SLC27A2: variants seen among roughly 807,000 people sequenced by gnomAD.
The protein encoded by SLC27A2 is solute carrier family 27 member 2, also known as long-chain fatty acid transport protein 2.
Under a neutral mutation model 60.0 loss-of-function variants are expected in SLC27A2, and 54 were observed. The ratio of observed to expected loss-of-function variants is 0.90; its 90% confidence interval spans 0.72 to 1.13. The LOEUF is 1.13. SLC27A2 is among the 50% of genes most tolerant of loss of function. SLC27A2 has a pLI of 0.00. For synonymous variants in SLC27A2, 297 were observed against 297.6 expected, an observed-to-expected ratio of 1.00 and a Z score of 0.02; for missense variants, 739 against 777.6, an observed-to-expected ratio of 0.95 and a Z score of 0.59.
In SLC27A2 at chr15:50,211,256, A is replaced by C. The variant is rs897249730; in HGVS notation, c.972+5893A>C. 3.3e-5 allele frequency among the ~76,000 whole-genome samples: 5 copies of C among 152,296 alleles called. No individual in the cohort carries two copies. The East Asian group carries it at 9.7e-4, about 29-fold the overall frequency. ...CATCCTCTGCCACTTCCACTGGAAC[A>C]GGTGCTGGTATCCATGGCTGAGAGA... On this transcript the variant is annotated intron_variant, in intron 4 of 9. Coordinates refer to ENST00000267842, the MANE Select transcript of SLC27A2 (RefSeq NM_003645.4).
chr15:50,187,340 C>A (rs539309120), intron 1 of SLC27A2, among the ~76,000 whole-genome samples: 106 of 152,278 alleles, frequency 7.0e-4, no homozygotes, highest in African/African-American at 2.5e-3. Context: ...CATGGCTGGG[C>A]CAGTAGTTTT....
chr15:50,190,671 A>C (rs2044965941), intron 1 of SLC27A2, among the ~76,000 whole-genome samples: 3 of 150,196 alleles, frequency 2.0e-5, no homozygotes, highest in Non-Finnish European at 4.4e-5. Flanking sequence ...AATTTTTTAA[A>C]ATTTTCTTTG....
In SLC27A2 at chr15:50,182,746, G is replaced by A; in HGVS notation, c.319G>A (p.Val107Met). The A allele has an allele frequency of 6.2e-7, 1 of 1,613,936 alleles. No individual in the cohort carries two copies. The highest frequency in any genetic ancestry group is 8.5e-7 in the Non-Finnish European group (1 of 1,179,962). ...CCTCGGCCTGCGCCAGGGAGACTGCGTGGCGCTCCTTATGGGTAACGAGCC... is the reference window on the plus strand; with the variant it reads ...CCTCGGCCTGCGCCAGGGAGACTGCATGGCGCTCCTTATGGGTAACGAGCC... ...DHLGLRQGDC[V>M]ALLMGNEPAY... is the part of the protein sequence containing the mutation. Residue 107 changes from valine to methionine, a missense_variant, in exon 1 of 10, where the codon GTG becomes ATG. Physicochemically the swap from Val to Met is conservative, Grantham distance 21. Transcript: ENST00000267842.
Position 50,223,217 on chromosome 15 carries a change from T to C in SLC27A2, c.1167+58T>C, listed in dbSNP as rs2045256513. The C allele has an allele frequency of 5.1e-5, 65 of 1,276,214 alleles. No individual in the cohort carries two copies. The South Asian group carries it at 8.9e-4, about 18-fold the overall frequency. 79.1% of individuals were successfully genotyped at this position (1,276,214 alleles called of 1,614,324 possible). A position where few individuals can be genotyped will look rare whatever the true frequency, so the allele number is the denominator to read the frequency against. On this transcript the variant is annotated intron_variant, in intron 5 of 9. Transcript: ENST00000267842. ...CCAGTTTTCAGAATACAGAGACTTC[T>C]TAAAAGCCAAGTCATGATGATGTTA...
chr15:50,202,538 G>A lies in SLC27A2; in HGVS notation c.740G>A (p.Gly247Asp), dbSNP rs746160648. The change falls in exon 3 of 10, where the codon GGC (glycine) becomes GAC (aspartate). Residue 247 changes from glycine (G) to aspartate (D), a missense_variant. Transcript: ENST00000267842. ...ITHQRIWYGT[G>D]LTFVSGLKAD... ...CATCAGCGCATATGGTATGGAACTGGCCTCACTTTTGTAAGCGGATTGAAG... is the reference window on the plus strand; with the variant it reads ...CATCAGCGCATATGGTATGGAACTGACCTCACTTTTGTAAGCGGATTGAAG... The A allele has an allele frequency of 1.9e-6, 3 of 1,614,030 alleles. No individual in the cohort carries two copies. The African/African-American group carries it at 4.0e-5, about 22-fold the overall frequency.
chr15:50,201,707 C>T (rs1409341607), intron 2 of SLC27A2, among the ~76,000 whole-genome samples: 8 of 152,060 alleles, frequency 5.3e-5, no homozygotes, highest in African/African-American at 1.4e-4. Context: ...AGGCACCCAC[C>T]ACCACGCCCG....
In SLC27A2 at chr15:50,236,358, A is replaced by G. The variant is rs1455966403; in HGVS notation, c.*262A>G. 1 of 323,156 alleles carries G rather than the reference A, an allele frequency of 3.1e-6. No homozygotes were observed. Among genetic ancestry groups the G allele is most frequent in the African/African-American group, 2.1e-5 (1 of 46,888 alleles). 20.0% of individuals were successfully genotyped at this position (323,156 alleles called of 1,614,324 possible). ...GAAGGCATTATTTTTTAAAATACTT[A>G]GTAAATTAAATGAACACCAACATGT... On this transcript the variant is annotated 3_prime_UTR_variant, in exon 10 of 10. Coordinates refer to ENST00000267842, the MANE Select transcript of SLC27A2 (RefSeq NM_003645.4).
chr15:50,219,968 C>T (rs1046141873), intron 4 of SLC27A2, among the ~76,000 whole-genome samples: 4 of 152,182 alleles, frequency 2.6e-5, no homozygotes, highest in Non-Finnish European at 2.9e-5. Flanking sequence ...AAACACTGTT[C>T]GCCCTATGGG....
chr15:50,225,897 TG>T lies in SLC27A2; in HGVS notation c.1168-90del, dbSNP rs1480316761. 39 of 838,002 alleles carry T rather than the reference TG, an allele frequency of 4.7e-5. No homozygotes were observed. In the Admixed American group the frequency reaches 9.7e-4, roughly 21 times the overall value. 51.9% of individuals were successfully genotyped at this position (838,002 alleles called of 1,614,324 possible). On this transcript the variant is annotated intron_variant, in intron 5 of 9. Coordinates refer to ENST00000267842, the MANE Select transcript of SLC27A2 (RefSeq NM_003645.4). Reference sequence around the variant, plus strand: ...ATGCAAATGCAAAATTTCTTCAACCTGTACGCCTAAGATATACTTTGTGTTA... The same window carrying T: ...ATGCAAATGCAAAATTTCTTCAACCTTACGCCTAAGATATACTTTGTGTTA...
In SLC27A2 at chr15:50,183,994, C is replaced by CTTTTTTTTTTTTTTTTTTTTTTTTT. The variant is rs577766814; in HGVS notation, c.478+1107_478+1108insTTTTTTTTTTTTTTTTTTTTTTTTT. ...TTCGAAGCCATGCTCTTTCCTACAT[C>CTTTTTTTTTTTTTTTTTTTTTTTTT]TTTTTTTTTTTTTTTTTTGACAGTC... On this transcript the variant is annotated intron_variant, in intron 1 of 9. Transcript: ENST00000267842. Among the ~76,000 whole-genome samples the CTTTTTTTTTTTTTTTTTTTTTTTTT allele has an allele frequency of 4.9e-4, 45 of 91,164 alleles. 3 individuals are homozygous for CTTTTTTTTTTTTTTTTTTTTTTTTT. Among genetic ancestry groups the CTTTTTTTTTTTTTTTTTTTTTTTTT allele is most frequent in the African/African-American group, 1.1e-3 (31 of 27,386 alleles). 59.8% of individuals were successfully genotyped at this position (91,164 alleles called of 152,430 possible).
At chr15:50,205,427 G>T (rs762291364) in intron 4 of SLC27A2, 64 bp downstream of exon 4, 197 of 1,522,094 alleles carry the variant, frequency 1.3e-4, no homozygotes, top group Non-Finnish European at 1.6e-4. Context: ...AGTCACTTTG[G>T]GTTGTGCTAG....
At chr15:50,231,230 T>C (rs539436297) in intron 8 of SLC27A2, among the ~76,000 whole-genome samples, 155 of 151,102 alleles carry the variant, frequency 1.0e-3, no homozygotes, top group African/African-American at 3.8e-3. Flanking sequence ...CTGTAACCTC[T>C]GCCTCCCATG....
At chr15:50,185,557 T>TTTAA (rs2044913938) in intron 1 of SLC27A2, among the ~76,000 whole-genome samples, 1 of 150,288 alleles carries the variant, frequency 6.7e-6, no homozygotes, top group African/African-American at 2.4e-5. Context: ...GAATGTGTTA[T>TTTAA]ACTTTAAAAA....
At chr15:50,234,532 A>G (rs1439794517) in intron 9 of SLC27A2, among the ~76,000 whole-genome samples, 1 of 147,934 alleles carries the variant, frequency 6.8e-6, no homozygotes, top group Non-Finnish European at 1.5e-5. Context: ...GGTTGCAGTG[A>G]GCTGGGATCA....
intron 1 of SLC27A2, among the ~76,000 whole-genome samples, chr15:50,190,634 G>A (rs1038785193): frequency 1.4e-5 from 2 of 141,996 alleles, no homozygotes; most frequent in African/African-American, 5.3e-5. Flanking sequence ...AAAAAAAAAG[G>A]CAGGGGCAGA....
chr15:50,235,442 C>A (rs952177962), intron 9 of SLC27A2, among the ~76,000 whole-genome samples: 2 of 152,194 alleles, frequency 1.3e-5, no homozygotes, highest in African/African-American at 4.8e-5. Context: ...GCTCAGAAAT[C>A]TATGCACAGG....
At chr15:50,229,081 A>C in intron 8 of SLC27A2, 39 bp downstream of exon 8, 1 of 1,411,202 alleles carries the variant, frequency 7.1e-7, no homozygotes. Context: ...CCCATAGAGT[A>C]ACTGAACATA....
At chr15:50,230,607 C>G (rs952166456) in intron 8 of SLC27A2, among the ~76,000 whole-genome samples, 3 of 152,092 alleles carry the variant, frequency 2.0e-5, no homozygotes, top group Admixed American at 6.6e-5. Context: ...GGGACAATGA[C>G]ACGAGGGGAA....
chr15:50,207,542 C>T (rs2045122493), intron 4 of SLC27A2, among the ~76,000 whole-genome samples: 1 of 151,878 alleles, frequency 6.6e-6, no homozygotes, highest in African/African-American at 2.4e-5. Context: ...CTAATCCCAA[C>T]ACTTTGGGAG....
Sources: gnomAD v4.1 joint callset for allele counts (sites outside exome capture counted in the v4.1 genomes callset) on GRCh38, gnomAD v4.1.1 for gene constraint, MANE v1.5 for transcripts, NCBI Gene and HGNC (gene_info 2026-07-23, HGNC 2026-07-21) for gene names.